DLGAP2: variants seen among roughly 807,000 people sequenced by gnomAD.
DLGAP2 encodes disks large-associated protein 2.
In DLGAP2, 26 loss-of-function variants were observed where a neutral mutation model predicts 100.3. The ratio of observed to expected loss-of-function variants is 0.26; its 90% CI spans 0.19 to 0.36. DLGAP2 has a LOEUF of 0.36. DLGAP2 is among the 10% of genes least tolerant of loss of function. The probability of loss-of-function intolerance (pLI) is 1.00; values close to 1 mark genes in which losing one functional copy is unlikely to be tolerated. For missense variants in DLGAP2, 1,858 were observed against 1,453.2 expected (o/e 1.28, Z -4.53); for synonymous variants, 886 against 630.1 (o/e 1.41, Z -6.08).
At chr8:866,055 G>T (rs1797488173) in intron 1 of DLGAP2, among the ~76,000 whole-genome samples, 1 of 152,162 alleles carries the variant, frequency 6.6e-6, no homozygotes, top group African/African-American at 2.4e-5. Context: ...CTGTGTTCTT[G>T]GGACAGGATG....
intron 3 of DLGAP2, among the ~76,000 whole-genome samples, chr8:1,430,188 A>G (rs1797385127): frequency 6.6e-6 from 1 of 151,048 alleles, no homozygotes; most frequent in Admixed American, 6.6e-5. Flanking sequence ...TCTCTGCAAA[A>G]ATACTTTAAT....
intron 4 of DLGAP2, among the ~76,000 whole-genome samples, chr8:1,544,390 C>G (rs905233232): frequency 1.3e-5 from 2 of 152,190 alleles, no homozygotes; most frequent in African/African-American, 4.8e-5. Flanking sequence ...GCATCCTTGT[C>G]TTGTTCTCTT....
At chr8:1,247,195 G>T in intron 2 of DLGAP2, 1 of 98,270 alleles carries the variant, frequency 1.0e-5, no homozygotes, top group South Asian at 2.5e-4. Context: ...TCGGTGGCTG[G>T]GAAGACCTTT....
At chr8:1,385,763 C>T (rs1189677821) in intron 3 of DLGAP2, among the ~76,000 whole-genome samples, 2 of 151,170 alleles carry the variant, frequency 1.3e-5, no homozygotes, top group African/African-American at 2.4e-5. Flanking sequence ...TATGCCCATC[C>T]CCTGAGAACT....
At chr8:1,262,350 T>C (rs1799368660) in intron 3 of DLGAP2, 1 of 152,214 alleles carries the variant, frequency 6.6e-6, no homozygotes, top group Admixed American at 6.5e-5. Flanking sequence ...TGAGACTATG[T>C]TTTCATGAGA....
chr8:1,470,131 C>A (rs966292343), intron 3 of DLGAP2, among the ~76,000 whole-genome samples: 17 of 152,166 alleles, frequency 1.1e-4, no homozygotes, highest in Non-Finnish European at 2.2e-4. Flanking sequence ...CACCGCACTG[C>A]AGCCTGGGTG....
rs552430316 is a variant in DLGAP2 at position 1,036,266 on chromosome 8, G to A, written c.73+128300G>A. ...TCACACGCTCATCCCGACCCCACAT[G>A]TTCACGTGTTTAATGAACACTGTGC... On this transcript the variant is annotated intron_variant, in intron 2 of 14. Coordinates refer to ENST00000637795, the MANE Select transcript of DLGAP2 (RefSeq NM_001346810.2). Among the ~76,000 whole-genome samples, 7 of 152,368 alleles carry A rather than the reference G, an allele frequency of 4.6e-5. No individual in the cohort carries two copies. The South Asian group carries it at 1.4e-3, about 32-fold the overall frequency.
chr8:1,202,652 A>G (rs1797904710), intron 2 of DLGAP2, among the ~76,000 whole-genome samples: 1 of 152,090 alleles, frequency 6.6e-6, no homozygotes, highest in Non-Finnish European at 1.5e-5. Flanking sequence ...GGGCCAGGCA[A>G]TGCCTCCTTC....
At chr8:1,369,335 C>T (rs896258854) in intron 3 of DLGAP2, 2 of 152,300 alleles carry the variant, frequency 1.3e-5, no homozygotes, top group Non-Finnish European at 2.9e-5. Flanking sequence ...ACGCTGTCTT[C>T]TTGCTGTGAC....
intron 2 of DLGAP2, among the ~76,000 whole-genome samples, chr8:1,061,627 G>A (rs188258719): frequency 1.3e-5 from 2 of 152,106 alleles, no homozygotes; most frequent in African/African-American, 4.8e-5. Flanking sequence ...GCCCCAAACT[G>A]TTGCTGTCAC....
intron 6 of DLGAP2, among the ~76,000 whole-genome samples, chr8:1,572,238 G>A (rs866686465): frequency 5.2e-5 from 6 of 115,376 alleles, no homozygotes; most frequent in African/African-American, 2.2e-4. Context: ...GGAGAGGAGA[G>A]GGGGTGAACT....
intron 2 of DLGAP2, among the ~76,000 whole-genome samples, chr8:1,187,395 C>G (rs1164246924): frequency 7.1e-6 from 1 of 140,544 alleles, no homozygotes; most frequent in African/African-American, 2.8e-5. Flanking sequence ...TGACGTTTCC[C>G]TCACGGAATG....
chr8:1,584,217 A>G (rs1236364136), intron 6 of DLGAP2, among the ~76,000 whole-genome samples: 1 of 152,210 alleles, frequency 6.6e-6, no homozygotes, highest in Non-Finnish European at 1.5e-5. Flanking sequence ...TTGATAATCA[A>G]CTTAATAAAT....
At chr8:1,464,582 G>C (rs1798568354) in intron 3 of DLGAP2, among the ~76,000 whole-genome samples, 2 of 152,306 alleles carry the variant, frequency 1.3e-5, no homozygotes, top group South Asian at 4.2e-4. Flanking sequence ...CTCTCTTCCA[G>C]GACAGCTCCC....
In DLGAP2 at chr8:1,194,830, G is replaced by A. The variant is rs117250137; in HGVS notation, c.74-64021G>A. Among the ~76,000 whole-genome samples the A allele has an allele frequency of 2.6e-3, 394 of 152,338 alleles. 10 individuals are homozygous for A. In the East Asian group the frequency reaches 0.059, roughly 23 times the overall value. On this transcript the variant is annotated intron_variant, in intron 2 of 14. Transcript: ENST00000637795. ...TCTGGCTTGAGGCCACCACTGTGAC[G>A]TGTGTGGCCAGGGTTCTTCGCTCAG...
rs1344435452 is a variant in DLGAP2 at position 853,507 on chromosome 8, G to A, written c.19-54405G>A. On this transcript the variant is annotated intron_variant, in intron 1 of 14. Coordinates refer to ENST00000637795, the MANE Select transcript of DLGAP2 (RefSeq NM_001346810.2). ...GGATGCCCCTCATCAGTTAGGGAAT[G>A]ATGGGGATCCCCCACGACATCCAAG... 2.6e-5 allele frequency among the ~76,000 whole-genome samples: 4 copies of A among 152,178 alleles called. No homozygotes were observed. In the South Asian group the frequency reaches 6.2e-4, roughly 24 times the overall value.
At chr8:1,511,521 G>GT (rs1563193221) in intron 4 of DLGAP2, among the ~76,000 whole-genome samples, 1 of 151,470 alleles carries the variant, frequency 6.6e-6, no homozygotes, top group Admixed American at 6.6e-5. Flanking sequence ...GCTGTCTAGT[G>GT]TAAGACAGTC....
chr8:785,997 C>A (rs1056071910), intron 1 of DLGAP2, among the ~76,000 whole-genome samples: 2 of 152,222 alleles, frequency 1.3e-5, no homozygotes, highest in Non-Finnish European at 2.9e-5. Flanking sequence ...TGATGTGTCA[C>A]CGTCACCGAG....
chr8:1,142,930 A>G (rs1796546375), intron 2 of DLGAP2, among the ~76,000 whole-genome samples: 1 of 152,148 alleles, frequency 6.6e-6, no homozygotes, highest in South Asian at 2.1e-4. Flanking sequence ...CCTTCCTTTC[A>G]GAATTGCTCG....
Sources: gnomAD v4.1 joint callset for allele counts (sites outside exome capture counted in the v4.1 genomes callset) on GRCh38, gnomAD v4.1.1 for gene constraint, MANE v1.5 for transcripts, NCBI Gene and HGNC (gene_info 2026-07-23, HGNC 2026-07-21) for gene names.